Variants in INPP4B observed in about 807,000 individuals in gnomAD.
The protein encoded by INPP4B is inositol polyphosphate-4-phosphatase type II B.
Under a neutral mutation model 122.5 loss-of-function variants are expected in INPP4B, and 55 were observed. The ratio of observed to expected loss-of-function variants is 0.45; its 90% CI spans 0.36 to 0.56. INPP4B has a LOEUF of 0.56. Ranked by LOEUF, INPP4B falls within the 20% of genes least tolerant of loss-of-function variation. INPP4B has a pLI of 0.00. For synonymous variants in INPP4B, 403 were observed against 388.7 expected (o/e 1.04, Z -0.43); for missense variants, 1,000 against 1,097.7 (o/e 0.91, Z 1.26).
chr4:142,405,215 T>C lies in INPP4B; in HGVS notation c.246A>G (p.Glu82=). Residue 82 remains glutamate, a synonymous_variant, in exon 6 of 26, where the codon GAA becomes GAG. Transcript: ENST00000262992. ...GCACACAGCATCTCACCTCCACAAT[T>C]TCGGTGCTGGAGTATCTTGTCAGAC... ...EQSLTRYSST[E]IVEGTRDPLF... is the part of the protein sequence containing the mutation. The C allele has an allele frequency of 6.3e-7, 1 of 1,586,066 alleles. No homozygotes were observed. Among genetic ancestry groups the C allele is most frequent in the Non-Finnish European group, 8.7e-7 (1 of 1,155,154 alleles).
At chr4:142,638,961 T>C (rs1749777014) in intron 2 of INPP4B, among the ~76,000 whole-genome samples, 1 of 152,168 alleles carries the variant, frequency 6.6e-6, no homozygotes. Context: ...ATATTTTTGG[T>C]TTATTGAAAG....
chr4:142,433,045 A>G (rs891749642), intron 3 of INPP4B, among the ~76,000 whole-genome samples: 2 of 152,114 alleles, frequency 1.3e-5, no homozygotes, highest in Admixed American at 1.3e-4. Context: ...AATAAATTCA[A>G]TTTTAGAGAG....
intron 23 of INPP4B, among the ~76,000 whole-genome samples, chr4:142,103,822 CACACACAG>C (rs1425808358): frequency 6.6e-6 from 1 of 152,040 alleles, no homozygotes; most frequent in African/African-American, 2.4e-5. Flanking sequence ...CACACATACA[CACACACAG>C]ACACACACAC....
chr4:142,207,199 G>A (rs1842920385), intron 14 of INPP4B, among the ~76,000 whole-genome samples: 1 of 152,042 alleles, frequency 6.6e-6, no homozygotes, highest in African/African-American at 2.4e-5. Context: ...TTCACCCATT[G>A]ATGGACATTT....
chr4:142,089,506 A>C (rs1258278307), intron 23 of INPP4B, among the ~76,000 whole-genome samples: 2 of 150,512 alleles, frequency 1.3e-5, no homozygotes, highest in Non-Finnish European at 3.0e-5. Flanking sequence ...GAAAGTGATA[A>C]ATATCTGAGG....
At chr4:142,487,860 G>A (rs1051264597) in intron 2 of INPP4B, among the ~76,000 whole-genome samples, 88 of 152,060 alleles carry the variant, frequency 5.8e-4, no homozygotes, top group African/African-American at 2.1e-3. Context: ...CATATATTCT[G>A]TGAATAAAGA....
intron 1 of INPP4B, among the ~76,000 whole-genome samples, chr4:142,819,780 A>G (rs1289795225): frequency 6.6e-6 from 1 of 152,070 alleles, no homozygotes; most frequent in East Asian, 1.9e-4. Context: ...AGTTACACAC[A>G]CACACGCGCA....
At chr4:142,365,011 T>C (rs1786905542) in intron 7 of INPP4B, among the ~76,000 whole-genome samples, 1 of 151,850 alleles carries the variant, frequency 6.6e-6, no homozygotes. Context: ...CCAAGTGAGG[T>C]AAGAATAGGA....
At chr4:142,599,935 AC>A (rs939392144) in intron 2 of INPP4B, among the ~76,000 whole-genome samples, 29 of 151,992 alleles carry the variant, frequency 1.9e-4, no homozygotes, top group African/African-American at 7.0e-4. Flanking sequence ...GAATTTCAAA[AC>A]CTAAAGACAT....
At chr4:142,179,801 T>C (rs1009979637) in intron 15 of INPP4B, among the ~76,000 whole-genome samples, 1 of 152,208 alleles carries the variant, frequency 6.6e-6, no homozygotes, top group Non-Finnish European at 1.5e-5. Context: ...GTGTGCTTTA[T>C]TTCCTTTCCT....
chr4:142,791,413 C>CATT lies in INPP4B; in HGVS notation c.-254+54793_-254+54795dup, dbSNP rs140914184. ...AATTAAGATGAGATTCTGCCTATAGCATTAGCTCATTGTCTACTGCTCAAA... is the reference window on the plus strand; with the variant it reads ...AATTAAGATGAGATTCTGCCTATAGCATTATTAGCTCATTGTCTACTGCTCAAA... On this transcript the variant is annotated intron_variant, in intron 1 of 25. Coordinates refer to ENST00000262992, the MANE Select transcript of INPP4B (RefSeq NM_001101669.3). Among the ~76,000 whole-genome samples, 82 of 152,230 alleles carry CATT rather than the reference C, an allele frequency of 5.4e-4. 1 individual carries two copies. The East Asian group carries it at 0.01, about 19-fold the overall frequency.
rs114989507 is a variant in INPP4B at position 142,282,618 on chromosome 4, G to A, written c.504-11844C>T. Among the ~76,000 whole-genome samples the A allele has an allele frequency of 4.7e-3, 709 of 152,164 alleles. 8 individuals carry two copies. Among genetic ancestry groups the A allele is most frequent in the African/African-American group, 0.016 (677 of 41,504 alleles). On this transcript the variant is annotated intron_variant, in intron 9 of 25. Coordinates refer to ENST00000262992, the MANE Select transcript of INPP4B (RefSeq NM_001101669.3). ...TCTTGTGGCTTTAAGACTGAGGTTC[G>A]CATTTTCTTGTTGGTTATCAGGATA... is the stretch of plus-strand genomic sequence containing the variant.
chr4:142,650,444 C>T (rs914946206), intron 2 of INPP4B, among the ~76,000 whole-genome samples: 1 of 151,758 alleles, frequency 6.6e-6, no homozygotes, highest in African/African-American at 2.4e-5. Flanking sequence ...GAGTCAAGAC[C>T]CATCAGTGTG....
intron 1 of INPP4B, among the ~76,000 whole-genome samples, chr4:142,800,348 A>G (rs1777849455): frequency 6.6e-6 from 1 of 152,168 alleles, no homozygotes; most frequent in African/African-American, 2.4e-5. Context: ...GCAGTAAAGC[A>G]GGTAAAGATT....
chr4:142,506,348 C>T (rs889125435), intron 2 of INPP4B, among the ~76,000 whole-genome samples: 2 of 152,072 alleles, frequency 1.3e-5, no homozygotes, highest in African/African-American at 4.8e-5. Context: ...GTCCTTTCCT[C>T]CTTTCTTCCT....
intron 2 of INPP4B, among the ~76,000 whole-genome samples, chr4:142,545,739 A>ATG (rs1553955954): frequency 0.047 from 5,311 of 112,474 alleles, 287 homozygotes; most frequent in Non-Finnish European, 0.058. Context: ...ATACACATAT[A>ATG]TGTGTATATA....
intron 1 of INPP4B, among the ~76,000 whole-genome samples, chr4:142,827,869 C>G (rs1037338442): frequency 6.6e-6 from 1 of 151,970 alleles, no homozygotes; most frequent in African/African-American, 2.4e-5. Context: ...TGAAAAATAC[C>G]AAAACAATTC....
At chr4:142,230,620 G>C (rs1853838650) in intron 12 of INPP4B, among the ~76,000 whole-genome samples, 1 of 143,428 alleles carries the variant, frequency 7.0e-6, no homozygotes, top group Non-Finnish European at 1.5e-5. Context: ...TCCAGCCTGG[G>C]CAACAGTAGT....
chr4:142,443,285 T>C (rs909398238), intron 3 of INPP4B, among the ~76,000 whole-genome samples: 8 of 152,044 alleles, frequency 5.3e-5, no homozygotes, highest in African/African-American at 1.7e-4. Flanking sequence ...ATGAGAATGA[T>C]TGGAAGCAGA....
Sources: gnomAD v4.1 joint callset for allele counts (sites outside exome capture counted in the v4.1 genomes callset) on GRCh38, gnomAD v4.1.1 for gene constraint, MANE v1.5 for transcripts, NCBI Gene and HGNC (gene_info 2026-07-23, HGNC 2026-07-21) for gene names.